The following ARHGAP32 variants were observed in gnomAD, a reference collection of about 807,000 sequenced individuals.
ARHGAP32 encodes the protein Rho GTPase activating protein 32.
A neutral mutation model predicts 186.5 loss-of-function variants in ARHGAP32; 51 were observed. The ratio of observed to expected loss-of-function variants is 0.27; its 90% CI spans 0.22 to 0.35. The LOEUF (loss-of-function observed/expected upper bound fraction) is 0.35, where lower values mean the gene tolerates loss of function less well. Ranked by LOEUF, ARHGAP32 falls within the 10% of genes least tolerant of loss-of-function variation. The pLI, the probability that ARHGAP32 is intolerant of heterozygous loss-of-function variation, is 1.00. For missense variants in ARHGAP32, 2,186 were observed against 2,623.5 expected (o/e 0.83, Z 3.64); for synonymous variants, 950 against 964.3 (o/e 0.99, Z 0.27).
chr11:129,249,552 C>T (rs960757191), intron 1 of ARHGAP32, among the ~76,000 whole-genome samples: 1 of 152,070 alleles, frequency 6.6e-6, no homozygotes, highest in Non-Finnish European at 1.5e-5. Flanking sequence ...ACAATTAAAG[C>T]GGTTTCCCAA....
intron 11 of ARHGAP32, among the ~76,000 whole-genome samples, chr11:129,034,471 C>T (rs1939240308): frequency 6.6e-6 from 1 of 152,164 alleles, no homozygotes; most frequent in Admixed American, 6.5e-5. Context: ...ATTTCTCCCA[C>T]TCTTTCCCTC....
At chr11:129,127,848 A>G (rs1414909774) in intron 2 of ARHGAP32, among the ~76,000 whole-genome samples, 1 of 152,220 alleles carries the variant, frequency 6.6e-6, no homozygotes, top group Non-Finnish European at 1.5e-5. Context: ...TCATCAACAC[A>G]GTAACAGCAT....
In ARHGAP32 at chr11:129,147,517, T is replaced by C. The variant is rs534926176; in HGVS notation, c.225+16802A>G. On this transcript the variant is annotated intron_variant, in intron 2 of 22. Transcript: ENST00000682385. ...CACCTCTGAGGATTGCCTGATTCCA[T>C]AGGCGTATGGGATTTTGTTTGTCTT... is the stretch of plus-strand genomic sequence containing the variant. 9.2e-5 allele frequency among the ~76,000 whole-genome samples: 14 copies of C among 152,302 alleles called. No individual in the cohort carries two copies. The South Asian group carries it at 1.0e-3, about 11-fold the overall frequency.
intron 2 of ARHGAP32, among the ~76,000 whole-genome samples, chr11:129,158,653 A>C (rs917446139): frequency 1.3e-5 from 2 of 152,126 alleles, no homozygotes; most frequent in Non-Finnish European, 2.9e-5. Context: ...ACAGATCAAC[A>C]AGACAGAAAA....
upstream of ARHGAP32, among the ~76,000 whole-genome samples, chr11:129,192,807 T>C (rs1396849374): frequency 2.0e-5 from 3 of 152,068 alleles, no homozygotes; most frequent in East Asian, 3.9e-4. Context: ...GTATCCAGAG[T>C]GAGACATAAA....
chr11:129,241,026 T>C (rs1945010350), intron 1 of ARHGAP32, among the ~76,000 whole-genome samples: 1 of 152,196 alleles, frequency 6.6e-6, no homozygotes, highest in Non-Finnish European at 1.5e-5. Context: ...GCTCCACTAT[T>C]TACCATCACT....
intron 1 of ARHGAP32, among the ~76,000 whole-genome samples, chr11:129,204,024 TATA>T (rs1027716378): frequency 2.1e-4 from 31 of 148,068 alleles, no homozygotes; most frequent in African/African-American, 7.6e-4. Context: ...ATATAAAATA[TATA>T]ATTACATAAT....
chr11:129,218,652 C>T (rs142507984), intron 1 of ARHGAP32, among the ~76,000 whole-genome samples: 1 of 151,978 alleles, frequency 6.6e-6, no homozygotes, highest in Non-Finnish European at 1.5e-5. Flanking sequence ...GAAGACAGAA[C>T]GGGGGAAAGG....
chr11:129,237,202 T>C (rs1208513014), intron 1 of ARHGAP32, among the ~76,000 whole-genome samples: 2 of 152,224 alleles, frequency 1.3e-5, no homozygotes, highest in Non-Finnish European at 1.5e-5. Context: ...GGTACTGGTC[T>C]GTAGTCTTCT....
At position 128,973,203 on chromosome 11, in the gene ARHGAP32, A is replaced by C; in HGVS notation, c.3303T>G (p.Ser1101=). ...VATTEDNLSS[S]YSAVALDKAY... ...CCTTATCTAGAGCAACTGCAGAGTA[A>C]GAACTGGACAGATTATCTTCAGTTG... is the stretch of plus-strand genomic sequence containing the variant. The change falls in exon 22 of 23, where the codon TCT becomes TCG. Residue 1101 remains serine (S), a synonymous_variant. Transcript: ENST00000682385. 6.2e-7 allele frequency: 1 copy of C among 1,614,192 alleles called. No individual in the cohort carries two copies. The highest frequency in any genetic ancestry group is 1.1e-5 in the South Asian group (1 of 91,076).
rs1002002760 is a variant in ARHGAP32 at position 128,965,382 on chromosome 11, T to C, written c.*3525A>G. ...AAAATATTAAGACATAAAAAAACAC[T>C]ATATAAATTAAAATTAAAAACTCAA... On this transcript the variant is annotated 3_prime_UTR_variant, in exon 23 of 23. Transcript: ENST00000682385. 6.6e-5 allele frequency: 10 copies of C among 152,138 alleles called. No homozygotes were observed. Among genetic ancestry groups the C allele is most frequent in the African/African-American group, 2.4e-4 (10 of 41,426 alleles). The allele number at this position is 152,138 out of a possible 1,614,324, so 9.4% of individuals were successfully genotyped here. A position where few individuals can be genotyped will look rare whatever the true frequency, so the allele number is the denominator to read the frequency against.
chr11:128,976,078 C>CATATATATATATAT (rs71472082), intron 20 of ARHGAP32, among the ~76,000 whole-genome samples: 6 of 145,808 alleles, frequency 4.1e-5, no homozygotes, highest in African/African-American at 1.5e-4. Context: ...CTCTGTCTAA[C>CATATATATATATAT]ATATATATAT....
intron 1 of ARHGAP32, among the ~76,000 whole-genome samples, chr11:129,185,410 C>T (rs1303889502): frequency 2.0e-5 from 3 of 152,088 alleles, no homozygotes; most frequent in African/African-American, 7.2e-5. Context: ...AATGAGAACA[C>T]TTGGACACAG....
chr11:129,020,252 A>G (rs1449913491), intron 11 of ARHGAP32, among the ~76,000 whole-genome samples: 1 of 152,104 alleles, frequency 6.6e-6, no homozygotes, highest in African/African-American at 2.4e-5. Flanking sequence ...TAAGATAAAA[A>G]AATCACTGTT....
intron 1 of ARHGAP32, among the ~76,000 whole-genome samples, chr11:129,261,301 GA>G (rs1285615853): frequency 6.6e-6 from 1 of 152,124 alleles, no homozygotes; most frequent in African/African-American, 2.4e-5. Context: ...AAGTAACTCA[GA>G]AATGTTTCCA....
intron 11 of ARHGAP32, among the ~76,000 whole-genome samples, chr11:129,002,706 A>G (rs931811205): frequency 1.3e-5 from 2 of 152,082 alleles, no homozygotes; most frequent in East Asian, 1.9e-4. Context: ...CCATTCAGTA[A>G]GATGCTAGCT....
chr11:128,989,554 ACATACATAT>A (rs1159686851), intron 12 of ARHGAP32, among the ~76,000 whole-genome samples: 3 of 151,106 alleles, frequency 2.0e-5, no homozygotes, highest in South Asian at 2.1e-4. Flanking sequence ...ACACACACAC[ACATACATAT>A]ATCTTTTTTT....
intron 10 of ARHGAP32, among the ~76,000 whole-genome samples, chr11:129,051,492 T>C (rs12290832): frequency 0.062 from 9,474 of 152,310 alleles, 408 homozygotes; most frequent in Middle Eastern, 0.12. Flanking sequence ...ATGGGTTTGT[T>C]TTCTTGTAAA....
intron 12 of ARHGAP32, among the ~76,000 whole-genome samples, chr11:128,991,217 G>A (rs756941073): frequency 1.3e-5 from 2 of 152,094 alleles, no homozygotes; most frequent in Non-Finnish European, 2.9e-5. Context: ...CTCTACACAC[G>A]TAATACTTCA....
Sources: gnomAD v4.1 joint callset for allele counts (sites outside exome capture counted in the v4.1 genomes callset) on GRCh38, gnomAD v4.1.1 for gene constraint, MANE v1.5 for transcripts, NCBI Gene and HGNC (gene_info 2026-07-23, HGNC 2026-07-21) for gene names.